The following COL5A1 variants were observed in gnomAD, a reference collection of about 807,000 sequenced individuals.
The protein encoded by COL5A1 is collagen type V alpha 1 chain.
COL5A1 carries 16 observed loss-of-function variants against 263.7 expected under a neutral mutation model. The ratio of observed to expected loss-of-function variants is 0.06; its 90% CI spans 0.04 to 0.09. The LOEUF (loss-of-function observed/expected upper bound fraction) is 0.09, where lower values mean the gene tolerates loss of function less well. COL5A1 is among the 10% of genes least tolerant of loss of function. The probability of loss-of-function intolerance (pLI) is 1.00; values close to 1 mark genes in which losing one functional copy is unlikely to be tolerated. For missense variants in COL5A1, 2,036 were observed against 2,540.5 expected (o/e 0.80, Z 4.27); for synonymous variants, 1,012 against 1,004.5 (o/e 1.01, Z -0.14).
intron 1 of COL5A1, among the ~76,000 whole-genome samples, chr9:134,685,007 A>G (rs1193626099): frequency 1.4e-5 from 1 of 71,576 alleles, no homozygotes; most frequent in Admixed American, 1.4e-4. Context: ...TCCATCCATT[A>G]ATTGATCCAT....
rs1351482667 is a variant in COL5A1, at chr9:134,811,551, T to C, written c.3642T>C (p.Asp1214=). 12 of 1,582,640 alleles carry C rather than the reference T, an allele frequency of 7.6e-6. No individual in the cohort carries two copies. Among genetic ancestry groups the C allele is most frequent in the Non-Finnish European group, 1.0e-5 (12 of 1,163,916 alleles). The change falls in exon 46 of 66, where the codon GAT becomes GAC. Residue 1214 remains aspartate (D), a synonymous_variant. Transcript: ENST00000371817. ...AGGGCCTTTTCGGGCAGAAAGGTGATGAAGGTCCCAGAGGCTTTCCTGGAC... is the reference window on the plus strand; with the variant it reads ...AGGGCCTTTTCGGGCAGAAAGGTGACGAAGGTCCCAGAGGCTTTCCTGGAC... ...GQQGLFGQKG[D]EGPRGFPGPP...
chr9:134,743,267 C>T (rs1835360338), intron 11 of COL5A1, among the ~76,000 whole-genome samples: 1 of 152,158 alleles, frequency 6.6e-6, no homozygotes, highest in Non-Finnish European at 1.5e-5. Context: ...GGCCAAACTC[C>T]TCCTGAATCT....
rs767323443 is a variant in COL5A1, at chr9:134,823,372, T to A, written c.4645-44T>A. The stretch of plus-strand genomic sequence containing the variant: ...AGCTGAAGGTGGATTCAAAGTCCCC[T>A]CATACCTCTGTGACCAAGGGTTGAT... On this transcript the variant is annotated intron_variant, in intron 60 of 65. Transcript: ENST00000371817. The A allele has an allele frequency of 1.9e-6, 3 of 1,609,490 alleles. No individual in the cohort carries two copies. The South Asian group carries it at 3.3e-5, about 18-fold the overall frequency.
rs756435201 is a variant in COL5A1 at position 134,738,534 on chromosome 9, C to A, written c.1431+19C>A. On this transcript the variant is annotated intron_variant, in intron 10 of 65. Coordinates refer to ENST00000371817, the MANE Select transcript of COL5A1 (RefSeq NM_000093.5). ...CCCCGCGGTGAGTATCCGGCTTTATCCTGTGACTTGCAGAAGGTGCTCTTG... is the reference window on the plus strand; with the variant it reads ...CCCCGCGGTGAGTATCCGGCTTTATACTGTGACTTGCAGAAGGTGCTCTTG... 2 of 1,614,016 alleles carry A rather than the reference C, an allele frequency of 1.2e-6. No individual in the cohort carries two copies. Among genetic ancestry groups the A allele is most frequent in the Admixed American group, 1.7e-5 (1 of 60,028 alleles).
rs767915677 is a variant in COL5A1, at chr9:134,652,651, C to T, written c.109+10355C>T. On this transcript the variant is annotated intron_variant, in intron 1 of 65. Transcript: ENST00000371817. This position sits in a 1 kb window ranked among gnomAD's most constrained non-coding sequence, Gnocchi z 4.4. ...CCCCACCAAAAAGACTGACCCAGCC[C>T]GGAGGCTGCAGGAATCGTGGGATAG... is the stretch of plus-strand genomic sequence containing the variant. The T allele has an allele frequency of 1.1e-5, 5 of 470,340 alleles. No individual in the cohort carries two copies. The highest frequency in any genetic ancestry group is 1.8e-5 in the Non-Finnish European group (4 of 226,728). The allele number at this position is 470,340 out of a possible 1,614,324, so 29.1% of individuals were successfully genotyped here. A position where few individuals can be genotyped will look rare whatever the true frequency, so the allele number is the denominator to read the frequency against.
intron 9 of COL5A1, among the ~76,000 whole-genome samples, chr9:134,735,485 G>A (rs935299731): frequency 4.6e-5 from 7 of 152,112 alleles, no homozygotes; most frequent in East Asian, 1.9e-4. Flanking sequence ...GGGCCGGGGC[G>A]GGAGCGGGGC....
chr9:134,759,477 C>CCACACACTCATACATGCACG (rs1836160911), intron 18 of COL5A1, among the ~76,000 whole-genome samples: 4 of 102,800 alleles, frequency 3.9e-5, no homozygotes, highest in African/African-American at 2.1e-4. Context: ...GCACACACAC[C>CCACACACTCATACATGCACG]CACACACACC....
chr9:134,692,304 G>A (rs191762393), intron 2 of COL5A1, among the ~76,000 whole-genome samples: 18 of 152,292 alleles, frequency 1.2e-4, no homozygotes, highest in African/African-American at 3.8e-4. Context: ...AGCCTCAAGC[G>A]TGTGGAACTC....
rs552129753 is a variant in COL5A1 at position 134,677,283 on chromosome 9, G to A, written c.110-13629G>A. On this transcript the variant is annotated intron_variant, in intron 1 of 65. Transcript: ENST00000371817. The surrounding 1 kb of genome is among the most constrained non-coding windows in gnomAD (Gnocchi z 4.4). Reference sequence around the variant, plus strand: ...CTCAGCTACCAGTCATGGCTTCTCGGGGAAGGCAGGCCCTGGTATTACACC... The same window carrying A: ...CTCAGCTACCAGTCATGGCTTCTCGAGGAAGGCAGGCCCTGGTATTACACC... Among the ~76,000 whole-genome samples, 1 of 152,250 alleles carries A rather than the reference G, an allele frequency of 6.6e-6. No homozygotes were observed. The highest frequency in any genetic ancestry group is 1.9e-4 in the East Asian group (1 of 5,182).
intron 63 of COL5A1, 83 bp downstream of exon 63, chr9:134,825,987 A>G (rs2132888260): frequency 2.4e-6 from 2 of 840,014 alleles, no homozygotes; most frequent in South Asian, 2.8e-5. Flanking sequence ...CATTTCTTGT[A>G]TATGCAGCTT....
chr9:134,667,096 A>G (rs777907042), intron 1 of COL5A1, among the ~76,000 whole-genome samples: 7 of 152,166 alleles, frequency 4.6e-5, no homozygotes, highest in Admixed American at 1.3e-4. Context: ...ACATGAAGGA[A>G]ATTGCCAGGA....
At chr9:134,802,739 A>G in intron 38 of COL5A1, 149 bp from the exon 39 acceptor site, 1 of 696,548 alleles carries the variant, frequency 1.4e-6, no homozygotes. Flanking sequence ...TGCCGGGAAG[A>G]GAAGGCTTGC....
chr9:134,793,387 G>GC lies in COL5A1; in HGVS notation c.2701-1695_2701-1694insC, dbSNP rs200441606. ...GGAGAAGGAAGGCTAAGGAGGCTGG[G>GC]GGGGGCATTCTGTTCCACAGCTCCA... On this transcript the variant is annotated intron_variant, in intron 32 of 65. Transcript: ENST00000371817. 2.5e-3 allele frequency among the ~76,000 whole-genome samples: 368 copies of GC among 150,198 alleles called. 3 individuals are homozygous for GC. Among genetic ancestry groups the GC allele is most frequent in the Non-Finnish European group, 3.1e-3 (213 of 67,952 alleles).
intron 9 of COL5A1, chr9:134,732,403 C>T: frequency 1.7e-6 from 1 of 582,138 alleles, no homozygotes; most frequent in Non-Finnish European, 3.1e-6. Context: ...CATCTCAGTG[C>T]TGGTCAGTTT....
chr9:134,744,463 C>T (rs549696983), intron 11 of COL5A1, among the ~76,000 whole-genome samples: 17 of 151,296 alleles, frequency 1.1e-4, no homozygotes, highest in Non-Finnish European at 2.9e-5. Flanking sequence ...ACACACTCAC[C>T]TATACATACA....
intron 9 of COL5A1, among the ~76,000 whole-genome samples, chr9:134,733,789 G>A (rs1033910269): frequency 6.6e-6 from 1 of 152,212 alleles, no homozygotes; most frequent in African/African-American, 2.4e-5. Context: ...TACATCCAAG[G>A]TCCCAGCCCC....
intron 40 of COL5A1, 31 bp downstream of exon 40, chr9:134,805,095 G>A (rs369008752): frequency 6.2e-6 from 10 of 1,613,500 alleles, no homozygotes; most frequent in African/African-American, 4.0e-5. Flanking sequence ...GGAATGAAAT[G>A]GGACAGGTGC....
intron 19 of COL5A1, among the ~76,000 whole-genome samples, chr9:134,762,521 A>T (rs369441585): frequency 1.3e-5 from 2 of 152,156 alleles, no homozygotes; most frequent in East Asian, 1.9e-4. Context: ...GGGGTCTGGT[A>T]TCTGCCACGC....
At chr9:134,670,999 C>A (rs533333980) in intron 1 of COL5A1, among the ~76,000 whole-genome samples, 1 of 152,176 alleles carries the variant, frequency 6.6e-6, no homozygotes, top group African/African-American at 2.4e-5. Context: ...AGAGGTGGGC[C>A]TGGGCTGCTG....
Sources: allele counts gnomAD v4.1 joint callset (sites outside exome capture counted in the v4.1 genomes callset), GRCh38; gene constraint gnomAD v4.1.1; non-coding constraint Gnocchi (gnomAD v3.1); transcripts MANE v1.5; gene names NCBI Gene and HGNC (gene_info 2026-07-23, HGNC 2026-07-21).